ZNF581: variants seen among roughly 807,000 people sequenced by gnomAD.
The protein encoded by ZNF581 is zinc finger protein 581.
In ZNF581, 1 loss-of-function variant was observed where a neutral mutation model predicts 1.2. The ratio of observed to expected loss-of-function variants is 0.83; its 90% confidence interval spans 0.30 to 3.95. ZNF581 has a LOEUF of 3.95. Ranked by LOEUF, ZNF581 falls within the 30% of genes most tolerant of loss-of-function variation. The pLI is 0.18. For missense variants in ZNF581, 273 were observed against 274.6 expected (o/e 0.99, Z 0.04); for synonymous variants, 105 against 109.2 (o/e 0.96, Z 0.24).
upstream of ZNF581, among the ~76,000 whole-genome samples, chr19:55,638,221 T>G (rs967218092): frequency 2.0e-5 from 3 of 151,688 alleles, no homozygotes; most frequent in Non-Finnish European, 4.4e-5. Flanking sequence ...TGGCAGGAGG[T>G]GACACGCTTT....
chr19:55,641,028 C>G (rs1454613747), upstream of ZNF581: 32 of 985,230 alleles, frequency 3.2e-5, no homozygotes, highest in Non-Finnish European at 3.7e-5. Context: ...TCCGCCAACC[C>G]CTCGCACCCC....
chr19:55,642,933 ACCGCGC>A (rs757469066), upstream of ZNF581: 8 of 1,465,196 alleles, frequency 5.5e-6, no homozygotes, highest in Non-Finnish European at 7.2e-6. Flanking sequence ...CGCGCCACGC[ACCGCGC>A]CCGCGCCGGG....
chr19:55,642,116 G>A (rs532477868), upstream of ZNF581: 1 of 1,007,318 alleles, frequency 9.9e-7, no homozygotes, highest in Non-Finnish European at 1.2e-6. Flanking sequence ...AAATCTCGGC[G>A]GTCAGGAGGC....
upstream of ZNF581, among the ~76,000 whole-genome samples, chr19:55,638,596 C>T (rs527325387): frequency 6.6e-6 from 1 of 152,214 alleles, no homozygotes; most frequent in Non-Finnish European, 1.5e-5. Flanking sequence ...CTCATTACCT[C>T]GAGGATGGCA....
At chr19:55,636,853 A>T (rs1353265296), upstream of ZNF581, among the ~76,000 whole-genome samples, 2 of 152,146 alleles carry the variant, frequency 1.3e-5, no homozygotes, top group South Asian at 4.1e-4. Context: ...CATCACAGAG[A>T]GGGGAGGAGC....
upstream of ZNF581, chr19:55,640,748 G>A: frequency 1.1e-5 from 11 of 985,530 alleles, no homozygotes; most frequent in Non-Finnish European, 1.3e-5. Context: ...AGTGGAAAGA[G>A]GACAAACCCT....
upstream of ZNF581, chr19:55,642,761 G>C (rs373292206): frequency 3.2e-5 from 50 of 1,542,268 alleles, no homozygotes; most frequent in Non-Finnish European, 4.1e-5. Flanking sequence ...GCCCCCAGGA[G>C]AGCCCGGCCC....
upstream of ZNF581, among the ~76,000 whole-genome samples, chr19:55,637,043 T>C (rs1359041617): frequency 6.6e-6 from 1 of 152,112 alleles, no homozygotes; most frequent in East Asian, 1.9e-4. Flanking sequence ...AGTCTGAAAC[T>C]CCTGGGCTCA....
Position 55,644,278 on chromosome 19 carries a change from A to C in ZNF581, c.-19-275A>C, listed in dbSNP as rs1263250798. Among the ~76,000 whole-genome samples the C allele has an allele frequency of 6.6e-6, 1 of 152,124 alleles. No homozygotes were observed. The highest frequency in any genetic ancestry group is 1.5e-5 in the Non-Finnish European group (1 of 68,018). On this transcript the variant is annotated intron_variant, in intron 1 of 1. Transcript: ENST00000270451. This position sits in a 1 kb window ranked among gnomAD's most constrained non-coding sequence, Gnocchi z 4.3. ...GGGAGGGCACAAAGAGGAAGGTTAGAGCGAGGTCCAGGTTGTGCAGAGGAG... is the reference window on the plus strand; with the variant it reads ...GGGAGGGCACAAAGAGGAAGGTTAGCGCGAGGTCCAGGTTGTGCAGAGGAG...
upstream of ZNF581, chr19:55,642,113 G>C: frequency 1.3e-5 from 13 of 1,004,848 alleles, no homozygotes; most frequent in Non-Finnish European, 1.5e-5. Context: ...GAGAAATCTC[G>C]GCGGTCAGGA....
At position 55,644,809 on chromosome 19, in the gene ZNF581, G is replaced by C; in HGVS notation, c.238G>C (p.Ala80Pro). The C allele has an allele frequency of 6.2e-7, 1 of 1,612,430 alleles. No individual in the cohort carries two copies. The highest frequency in any genetic ancestry group is 8.5e-7 in the Non-Finnish European group (1 of 1,178,550). Reference protein sequence around the residue: ...ESQREPGASGAPGQKKCYSCP... With the variant: ...ESQREPGASGPPGQKKCYSCP... ...ACAGAGGGAGCCAGGGGCCAGTGGG[G>C]CTCCAGGCCAGAAAAAGTGCTACAG... The change falls in exon 2 of 2, where the codon GCT becomes CCT. Residue 80 changes from alanine (A) to proline (P), a missense_variant. Coordinates refer to ENST00000270451, the MANE Select transcript of ZNF581 (RefSeq NM_016535.4). This position sits in a 1 kb window ranked among gnomAD's most constrained non-coding sequence, Gnocchi z 4.3.
In ZNF581 at chr19:55,645,101, A is replaced by G. The variant is rs748175446; in HGVS notation, c.530A>G (p.His177Arg). ...HSGERPFQCP[H>R]CPRRFMEQNT... is the part of the protein sequence containing the mutation. The stretch of plus-strand genomic sequence containing the variant: ...GGGGAACGCCCGTTTCAGTGTCCAC[A>G]CTGCCCTCGCCGCTTTATGGAGCAG... The change falls in exon 2 of 2, where the codon CAC becomes CGC. Residue 177 changes from histidine (H) to arginine (R), a missense_variant. Coordinates refer to ENST00000270451, the MANE Select transcript of ZNF581 (RefSeq NM_016535.4). 5 of 1,542,764 alleles carry G rather than the reference A, an allele frequency of 3.2e-6. No homozygotes were observed. The highest frequency in any genetic ancestry group is 3.8e-5 in the Admixed American group (2 of 53,016).
At chr19:55,640,610 C>T (rs900082741), upstream of ZNF581, 2 of 985,364 alleles carry the variant, frequency 2.0e-6, no homozygotes, top group Admixed American at 1.2e-4. Context: ...GAATCACGGC[C>T]CGGCCACATC....
chr19:55,635,842 T>C (rs1375431178), intron 1 of ZNF581: 1 of 474,118 alleles, frequency 2.1e-6, no homozygotes, highest in African/African-American at 2.1e-5. Context: ...GAGCAGGGCA[T>C]ATAGGTGACA....
chr19:55,644,883 A>G lies in ZNF581; in HGVS notation c.312A>G (p.Arg104=). 6.2e-7 allele frequency: 1 copy of G among 1,613,944 alleles called. No homozygotes were observed. The highest frequency in any genetic ancestry group is 8.5e-7 in the Non-Finnish European group (1 of 1,179,844). ...RVFEYMSYLQ[R]HSITHSEVKP... ...TCGAGTACATGTCCTACCTTCAGCG[A>G]CACAGCATCACCCACTCGGAGGTAA... The change falls in exon 2 of 2, where the codon CGA becomes CGG. Residue 104 remains arginine, a synonymous_variant. Transcript: ENST00000270451. This position sits in a 1 kb window ranked among gnomAD's most constrained non-coding sequence, Gnocchi z 4.3.
At chr19:55,640,869 C>T (rs1568536022), upstream of ZNF581, 1 of 985,428 alleles carries the variant, frequency 1.0e-6, no homozygotes, top group South Asian at 4.7e-5. Flanking sequence ...GCGGGGCCGC[C>T]GGGGGCGGGC....
At chr19:55,637,166 T>A (rs1420005469), upstream of ZNF581, among the ~76,000 whole-genome samples, 1 of 151,992 alleles carries the variant, frequency 6.6e-6, no homozygotes, top group African/African-American at 2.4e-5. Flanking sequence ...TATGTTGCTG[T>A]GTCTCAGAGG....
At position 55,644,568 on chromosome 19, in the gene ZNF581, C is replaced by T. The variant is rs1982735978; in HGVS notation, c.-4C>T. 2 of 1,582,444 alleles carry T rather than the reference C, an allele frequency of 1.3e-6. No homozygotes were observed. Among genetic ancestry groups the T allele is most frequent in the Admixed American group, 3.5e-5 (2 of 57,414 alleles). On this transcript the variant is annotated 5_prime_UTR_variant, in exon 2 of 2. Transcript: ENST00000270451. The surrounding 1 kb of genome is among the most constrained non-coding windows in gnomAD (Gnocchi z 4.3). ...CATCCACCAGGCCTCAGCCAGCCCTCCGGATGCTGGTGCTGCCATCCCCCT... is the reference window on the plus strand; with the variant it reads ...CATCCACCAGGCCTCAGCCAGCCCTTCGGATGCTGGTGCTGCCATCCCCCT...
chr19:55,640,349 G>C (rs73934401), upstream of ZNF581: 3,874 of 985,494 alleles, frequency 3.9e-3, 136 homozygotes, highest in African/African-American at 0.062. Flanking sequence ...CCCGCATCAG[G>C]CTTCCAGTGG....
Sources: gnomAD v4.1 joint callset for allele counts (sites outside exome capture counted in the v4.1 genomes callset) on GRCh38, gnomAD v4.1.1 for gene constraint, Gnocchi (gnomAD v3.1) non-coding constraint, MANE v1.5 for transcripts, NCBI Gene and HGNC (gene_info 2026-07-23, HGNC 2026-07-21) for gene names.